The following FGF7 variants were observed in gnomAD, a reference collection of about 807,000 sequenced individuals.
FGF7 encodes fibroblast growth factor 7, also known as FGF-7.
In FGF7, 6 loss-of-function variants were observed where a neutral mutation model predicts 20.5. The ratio of observed to expected loss-of-function variants is 0.29; its 90% CI spans 0.16 to 0.58. FGF7 has a LOEUF of 0.58. Among genes scored for constraint, FGF7 ranks in the 20% least tolerant of loss-of-function variants. The probability of loss-of-function intolerance (pLI) is 0.90; values close to 1 mark genes in which losing one functional copy is unlikely to be tolerated. For missense variants in FGF7, 144 were observed against 228.8 expected (o/e 0.63, Z 2.39); for synonymous variants, 64 against 74.7 (o/e 0.86, Z 0.74).
intron 2 of FGF7, among the ~76,000 whole-genome samples, chr15:49,457,533 A>G (rs2053421538): frequency 6.6e-6 from 1 of 152,022 alleles, no homozygotes; most frequent in Non-Finnish European, 1.5e-5. Context: ...TTTTATAAGT[A>G]ACTACATTAT....
intron 2 of FGF7, among the ~76,000 whole-genome samples, chr15:49,432,899 AAACT>A (rs2050743572): frequency 6.6e-6 from 1 of 151,608 alleles, no homozygotes; most frequent in Admixed American, 6.6e-5. Context: ...GGCCACCGAT[AAACT>A]AACCAAAAAC....
intron 2 of FGF7, among the ~76,000 whole-genome samples, chr15:49,481,255 A>G (rs941298738): frequency 3.3e-5 from 5 of 152,298 alleles, no homozygotes; most frequent in East Asian, 1.9e-4. Flanking sequence ...AAAAGCCACA[A>G]TTACTTTTGC....
At chr15:49,482,823 G>A (rs1184340496) in intron 2 of FGF7, among the ~76,000 whole-genome samples, 3 of 151,904 alleles carry the variant, frequency 2.0e-5, no homozygotes, top group East Asian at 3.9e-4. Flanking sequence ...TGTGGTATGA[G>A]TTCAATAAAC....
At chr15:49,447,028 C>T (rs1034221701) in intron 2 of FGF7, among the ~76,000 whole-genome samples, 26 of 151,482 alleles carry the variant, frequency 1.7e-4, no homozygotes, top group African/African-American at 6.0e-4. Context: ...GGTGCGGGAA[C>T]TCATCCTGAA....
At chr15:49,478,917 A>C (rs1425743981) in intron 2 of FGF7, among the ~76,000 whole-genome samples, 1 of 152,212 alleles carries the variant, frequency 6.6e-6, no homozygotes, top group Non-Finnish European at 1.5e-5. Context: ...TCTGAAATAC[A>C]AGATTAGAGG....
At position 49,476,232 on chromosome 15, in the gene FGF7, G is replaced by GTTTTTTTTTTTTTTTT; in HGVS notation, c.287-6906_287-6905insTTTTTTTTTTTTTTTT. On this transcript the variant is annotated intron_variant, in intron 2 of 3. Coordinates refer to ENST00000267843, the MANE Select transcript of FGF7 (RefSeq NM_002009.4). ...TTGCTGTTTTGTTTTTTTGTTTTTG[G>GTTTTTTTTTTTTTTTT]TTTTTTTTTTTTTGCATTTGGCATA... Among the ~76,000 whole-genome samples the GTTTTTTTTTTTTTTTT allele has an allele frequency of 2.9e-3, 165 of 57,372 alleles. 23 individuals carry two copies. The highest frequency in any genetic ancestry group is 4.5e-3 in the Non-Finnish European group (122 of 27,410). 37.6% of individuals were successfully genotyped at this position (57,372 alleles called of 152,430 possible).
At chr15:49,455,917 G>A (rs2053241366) in intron 2 of FGF7, among the ~76,000 whole-genome samples, 4 of 152,030 alleles carry the variant, frequency 2.6e-5, no homozygotes, top group South Asian at 4.2e-4. Flanking sequence ...AGCTCCAAAT[G>A]TGTTGGAAAT....
At chr15:49,425,018 A>G (rs1354856670) in intron 2 of FGF7, 2 of 153,340 alleles carry the variant, frequency 1.3e-5, no homozygotes, top group East Asian at 1.9e-4. Flanking sequence ...CTTTGAAATA[A>G]TATTTTCATG....
chr15:49,436,562 G>A (rs12592277), intron 2 of FGF7, among the ~76,000 whole-genome samples: 29,497 of 151,424 alleles, frequency 0.19, 3,128 homozygotes, highest in South Asian at 0.33. Context: ...AGTGGTTTCT[G>A]TGTGCCTGGC....
At chr15:49,449,366 A>T (rs956030002) in intron 2 of FGF7, among the ~76,000 whole-genome samples, 26 of 152,180 alleles carry the variant, frequency 1.7e-4, no homozygotes, top group African/African-American at 6.3e-4. Context: ...TGATTTTAGT[A>T]TATAAAGACA....
chr15:49,463,577 C>G (rs1316560652), intron 2 of FGF7, among the ~76,000 whole-genome samples: 3 of 142,676 alleles, frequency 2.1e-5, no homozygotes, highest in Non-Finnish European at 4.6e-5. Flanking sequence ...TATCCAAACT[C>G]AACTAGCTGC....
intron 2 of FGF7, among the ~76,000 whole-genome samples, chr15:49,439,969 G>A (rs1186353615): frequency 6.6e-6 from 1 of 151,664 alleles, no homozygotes; most frequent in African/African-American, 2.4e-5. Flanking sequence ...CAAATATTGG[G>A]GACAGGATTC....
At chr15:49,449,356 T>A (rs2052514544) in intron 2 of FGF7, among the ~76,000 whole-genome samples, 1 of 152,098 alleles carries the variant, frequency 6.6e-6, no homozygotes, top group Non-Finnish European at 1.5e-5. Flanking sequence ...TATAGGACAG[T>A]GATTTTAGTA....
chr15:49,466,570 C>T (rs774038556), intron 2 of FGF7, among the ~76,000 whole-genome samples: 2 of 151,922 alleles, frequency 1.3e-5, no homozygotes, highest in Admixed American at 6.6e-5. Flanking sequence ...AGAAGAGTAA[C>T]CTTTATAACA....
intron 2 of FGF7, among the ~76,000 whole-genome samples, chr15:49,453,922 C>A (rs572387632): frequency 6.6e-6 from 1 of 152,262 alleles, no homozygotes; most frequent in African/African-American, 2.4e-5. Flanking sequence ...TCCTCCATCT[C>A]TTCTAGCTCC....
At position 49,485,453 on chromosome 15, in the gene FGF7, A is replaced by T. The variant is rs2152030491; in HGVS notation, c.*949A>T. On this transcript the variant is annotated 3_prime_UTR_variant, in exon 4 of 4. Coordinates refer to ENST00000267843, the MANE Select transcript of FGF7 (RefSeq NM_002009.4). ...TGTTTTTGAACTTTATTGTTTTGTT[A>T]TTTAAGTTTATGTTATTTATAAAAA... is the stretch of plus-strand genomic sequence containing the variant. 1 of 150,136 alleles carries T rather than the reference A, an allele frequency of 6.7e-6. No individual in the cohort carries two copies. The highest frequency in any genetic ancestry group is 2.2e-4 in the South Asian group (1 of 4,636). The allele number at this position is 150,136 out of a possible 1,614,324, so 9.3% of individuals were successfully genotyped here.
At chr15:49,456,119 T>G (rs893652840) in intron 2 of FGF7, among the ~76,000 whole-genome samples, 1 of 152,200 alleles carries the variant, frequency 6.6e-6, no homozygotes, top group Non-Finnish European at 1.5e-5. Context: ...AGACTCTGTA[T>G]TATAATTTTG....
At chr15:49,445,664 T>C (rs1013770061) in intron 2 of FGF7, among the ~76,000 whole-genome samples, 1 of 151,532 alleles carries the variant, frequency 6.6e-6, no homozygotes, top group African/African-American at 2.4e-5. Context: ...ATTATGTCAA[T>C]TGAAAGAAAA....
chr15:49,464,602 A>G (rs1156587828), intron 2 of FGF7, among the ~76,000 whole-genome samples: 1 of 152,242 alleles, frequency 6.6e-6, no homozygotes, highest in African/African-American at 2.4e-5. Flanking sequence ...TAAATTATAC[A>G]AGATAAAAGT....
Sources: gnomAD v4.1 joint callset for allele counts (sites outside exome capture counted in the v4.1 genomes callset) on GRCh38, gnomAD v4.1.1 for gene constraint, MANE v1.5 for transcripts, NCBI Gene and HGNC (gene_info 2026-07-23, HGNC 2026-07-21) for gene names.